Variants in NID1 observed in about 807,000 individuals in gnomAD.
NID1 encodes the protein nidogen 1, also known as nidogen-1.
Under a neutral mutation model 130.6 loss-of-function variants are expected in NID1, and 76 were observed. The ratio of observed to expected loss-of-function variants is 0.58; its 90% CI spans 0.48 to 0.70. The LOEUF (loss-of-function observed/expected upper bound fraction) is 0.70, where lower values mean the gene tolerates loss of function less well. NID1 is among the 30% of genes least tolerant of loss of function. NID1 has a pLI of 0.00. For missense variants in NID1, 1,517 were observed against 1,664.8 expected, an observed-to-expected ratio of 0.91 and a Z score of 1.54; for synonymous variants, 665 against 675.1, an observed-to-expected ratio of 0.98 and a Z score of 0.23.
intron 1 of NID1, among the ~76,000 whole-genome samples, chr1:236,061,975 G>A (rs1660049103): frequency 6.6e-6 from 1 of 152,146 alleles, no homozygotes; most frequent in Admixed American, 6.6e-5. Context: ...TATTGTTGGT[G>A]GGAATGTCAG....
In NID1 at chr1:236,040,552, T is replaced by C. The variant is rs537235437; in HGVS notation, c.1135+1358A>G. Among the ~76,000 whole-genome samples the C allele has an allele frequency of 3.7e-4, 57 of 152,278 alleles. 1 individual carries two copies. Among genetic ancestry groups the C allele is most frequent in the African/African-American group, 1.3e-3 (56 of 41,554 alleles). Reference sequence around the variant, plus strand: ...CCTTAGTAGAAAAGCAGCAGACAGCTGCAATAAGCTTATCTAAAGGCTTGG... The same window carrying C: ...CCTTAGTAGAAAAGCAGCAGACAGCCGCAATAAGCTTATCTAAAGGCTTGG... On this transcript the variant is annotated intron_variant, in intron 4 of 19. Coordinates refer to ENST00000264187, the MANE Select transcript of NID1 (RefSeq NM_002508.3).
In NID1 at chr1:236,063,474, A is replaced by T. The variant is rs1008122410; in HGVS notation, c.225+1381T>A. Among the ~76,000 whole-genome samples, 20 of 141,486 alleles carry T rather than the reference A, an allele frequency of 1.4e-4. No homozygotes were observed. In the South Asian group the frequency reaches 1.6e-3, roughly 11 times the overall value. 92.8% of individuals were successfully genotyped at this position (141,486 alleles called of 152,430 possible). On this transcript the variant is annotated intron_variant, in intron 1 of 19. Transcript: ENST00000264187. ...GGGATAGAGAGAGACTCTGTCTCAA[A>T]AAAAAAAATAAATAAATAAATAAAT...
chr1:236,011,092 A>C (rs926417032), intron 12 of NID1, among the ~76,000 whole-genome samples: 19 of 152,152 alleles, frequency 1.2e-4, no homozygotes, highest in Non-Finnish European at 2.6e-4. Flanking sequence ...ATGAGCTCAC[A>C]GGTCCTCAAT....
intron 1 of NID1, among the ~76,000 whole-genome samples, chr1:236,058,084 A>G (rs559859405): frequency 6.6e-6 from 1 of 152,346 alleles, no homozygotes; most frequent in South Asian, 2.1e-4. Context: ...GATGATAATA[A>G]TGTAATATTA....
At chr1:236,006,286 C>G (rs1404441454) in intron 12 of NID1, among the ~76,000 whole-genome samples, 1 of 152,152 alleles carries the variant, frequency 6.6e-6, no homozygotes, top group Non-Finnish European at 1.5e-5. Flanking sequence ...ATTTGACCCT[C>G]CCTAGAAATT....
chr1:236,044,619 G>C (rs2102842308), intron 3 of NID1, among the ~76,000 whole-genome samples: 1 of 152,296 alleles, frequency 6.6e-6, no homozygotes, highest in South Asian at 2.1e-4. Flanking sequence ...GTGAAGGGCA[G>C]AGGAATTCAA....
chr1:236,017,210 G>C lies in NID1; in HGVS notation c.2192C>G (p.Pro731Arg). 6.2e-7 allele frequency: 1 copy of C among 1,614,112 alleles called. No individual in the cohort carries two copies. The highest frequency in any genetic ancestry group is 8.5e-7 in the Non-Finnish European group (1 of 1,179,994). ...CACACACTCGCAGCGGAAGGTTCCTGGGTGATTATTGCAGATTGTGTGGCT... is the reference window on the plus strand; with the variant it reads ...CACACACTCGCAGCGGAAGGTTCCTCGGTGATTATTGCAGATTGTGTGGCT... ...CGSHTICNNH[P>R]GTFRCECVEG... The change falls in exon 10 of 20, where the codon CCA (proline) becomes CGA (arginine). Residue 731 changes from proline to arginine, a missense_variant. Physicochemically the swap from Pro to Arg is moderately radical, Grantham distance 103. Transcript: ENST00000264187.
intron 10 of NID1, 87 bp downstream of exon 10, chr1:236,017,061 C>A (rs1330717846): frequency 1.0e-5 from 16 of 1,573,266 alleles, no homozygotes; most frequent in Non-Finnish European, 1.4e-5. Flanking sequence ...CTTGACCAGA[C>A]TCATTTTACC....
At chr1:236,022,009 T>C (rs1285787694) in intron 9 of NID1, among the ~76,000 whole-genome samples, 1 of 152,180 alleles carries the variant, frequency 6.6e-6, no homozygotes, top group African/African-American at 2.4e-5. Context: ...AGTTTTCTTG[T>C]CTACAAGAAA....
At chr1:235,986,412 C>T (rs146615780) in intron 14 of NID1, among the ~76,000 whole-genome samples, 1 of 137,642 alleles carries the variant, frequency 7.3e-6, no homozygotes, top group Non-Finnish European at 1.5e-5. Context: ...AGAAAATAAA[C>T]CTTAATAATT....
chr1:235,997,753 C>T (rs2102804909), intron 12 of NID1, among the ~76,000 whole-genome samples: 1 of 152,120 alleles, frequency 6.6e-6, no homozygotes. Context: ...ACTACAGGTG[C>T]CCACCACCAT....
intron 12 of NID1, among the ~76,000 whole-genome samples, chr1:236,001,793 ACTC>A (rs1203613411): frequency 6.6e-6 from 1 of 151,964 alleles, no homozygotes; most frequent in Non-Finnish European, 1.5e-5. Context: ...GAGAGCTTGC[ACTC>A]CTCCTCTGTG....
intron 9 of NID1, among the ~76,000 whole-genome samples, chr1:236,021,078 G>A (rs1558435802): frequency 6.6e-6 from 1 of 152,202 alleles, no homozygotes; most frequent in Non-Finnish European, 1.5e-5. Flanking sequence ...TATCCAGGAG[G>A]CTTACGAAGT....
chr1:236,030,744 G>A (rs1253225342), intron 6 of NID1, among the ~76,000 whole-genome samples: 1 of 152,240 alleles, frequency 6.6e-6, no homozygotes, highest in Non-Finnish European at 1.5e-5. Context: ...TCCCAGGCAA[G>A]TATCTCAAAG....
chr1:236,047,843 G>A (rs1481911438), intron 2 of NID1, among the ~76,000 whole-genome samples: 38 of 151,324 alleles, frequency 2.5e-4, no homozygotes, highest in Admixed American at 2.5e-3. Context: ...CCTGGCCAAT[G>A]TGGTGAAACC....
Position 236,032,588 on chromosome 1 carries a change from G to A in NID1, c.1350C>T (p.Pro450=), listed in dbSNP as rs758428860. The part of the protein sequence containing the change: ...GRIFVGSSQV[P]IVFENTDLHS... Reference sequence around the variant, plus strand: ...GGAGGTCAGTGTTCTCAAAGACAATGGGGACCTGGCTGCTCCCCACAAAGA... The same window carrying A: ...GGAGGTCAGTGTTCTCAAAGACAATAGGGACCTGGCTGCTCCCCACAAAGA... Residue 450 remains proline, a synonymous_variant, in exon 6 of 20, where the codon CCC becomes CCT. Coordinates refer to ENST00000264187, the MANE Select transcript of NID1 (RefSeq NM_002508.3). 7.4e-5 allele frequency: 120 copies of A among 1,614,130 alleles called. 1 individual carries two copies. In the Middle Eastern group the frequency reaches 3.5e-3, roughly 47 times the overall value.
intron 8 of NID1, among the ~76,000 whole-genome samples, chr1:236,025,072 G>A (rs1310484653): frequency 7.1e-6 from 1 of 140,508 alleles, no homozygotes; most frequent in Non-Finnish European, 1.6e-5. Flanking sequence ...TGCCTCAGCC[G>A]CCCCGAGTAG....
chr1:236,027,152 T>C (rs897374709), intron 7 of NID1, among the ~76,000 whole-genome samples: 1 of 152,092 alleles, frequency 6.6e-6, no homozygotes, highest in African/African-American at 2.4e-5. Context: ...ACTAAAGCAC[T>C]GTGAGCAAGC....
chr1:236,048,346 AAAATAAAT>A (rs34843286), intron 2 of NID1, among the ~76,000 whole-genome samples: 5 of 151,160 alleles, frequency 3.3e-5, no homozygotes, highest in African/African-American at 1.2e-4. Flanking sequence ...AAAAAAAAGA[AAAATAAAT>A]AAATAAATAA....
Sources: allele counts gnomAD v4.1 joint callset (sites outside exome capture counted in the v4.1 genomes callset), GRCh38; gene constraint gnomAD v4.1.1; transcripts MANE v1.5; gene names NCBI Gene and HGNC (gene_info 2026-07-23, HGNC 2026-07-21).